The following AUTS2 variants were observed in gnomAD, a reference collection of about 807,000 sequenced individuals.
AUTS2 encodes the protein autism susceptibility gene 2 protein.
AUTS2 carries 17 observed loss-of-function variants against 112.4 expected under a neutral mutation model. The observed-to-expected ratio is 0.15, with a 90% confidence interval of 0.10 to 0.23. The LOEUF (loss-of-function observed/expected upper bound fraction) is 0.23, where lower values mean the gene tolerates loss of function less well. AUTS2 is among the 10% of genes least tolerant of loss of function. The pLI is 1.00. For synonymous variants in AUTS2, 751 were observed against 702.7 expected, an observed-to-expected ratio of 1.07 and a Z score of -1.09; for missense variants, 1,510 against 1,701.6, an observed-to-expected ratio of 0.89 and a Z score of 1.98.
chr7:69,634,408 C>T (rs1794422325), intron 1 of AUTS2, among the ~76,000 whole-genome samples: 1 of 152,172 alleles, frequency 6.6e-6, no homozygotes, highest in Admixed American at 6.5e-5. Flanking sequence ...GCGTGAGCCA[C>T]CGCGCCCGGC....
At chr7:70,498,913 G>C (rs575716266) in intron 5 of AUTS2, among the ~76,000 whole-genome samples, 1 of 152,306 alleles carries the variant, frequency 6.6e-6, no homozygotes, top group East Asian at 1.9e-4. Flanking sequence ...ACAAGAGGAG[G>C]CTCAGGGCAG....
chr7:70,243,040 A>G (rs775966112), intron 4 of AUTS2, among the ~76,000 whole-genome samples: 1 of 152,162 alleles, frequency 6.6e-6, no homozygotes, highest in Non-Finnish European at 1.5e-5. Context: ...TTTCTTGCAC[A>G]GATGGTCTCA....
intron 1 of AUTS2, among the ~76,000 whole-genome samples, chr7:69,601,580 G>A (rs574433372): frequency 7.9e-5 from 12 of 152,092 alleles, no homozygotes; most frequent in African/African-American, 2.9e-4. Flanking sequence ...GGTGGTGCAG[G>A]TGGTGGTGAT....
At chr7:70,203,337 A>G (rs1810393892) in intron 4 of AUTS2, among the ~76,000 whole-genome samples, 1 of 45,904 alleles carries the variant, frequency 2.2e-5, no homozygotes, top group Non-Finnish European at 4.0e-5. Flanking sequence ...TAAAACTTAG[A>G]GTATAATAAA....
At chr7:69,921,472 G>T (rs534491481) in intron 2 of AUTS2, among the ~76,000 whole-genome samples, 1 of 151,578 alleles carries the variant, frequency 6.6e-6, no homozygotes, top group South Asian at 2.1e-4. Context: ...ATGCTATTAA[G>T]ATTAGTAAAC....
At chr7:70,355,854 G>C (rs1791988348) in intron 4 of AUTS2, among the ~76,000 whole-genome samples, 1 of 152,170 alleles carries the variant, frequency 6.6e-6, no homozygotes, top group Non-Finnish European at 1.5e-5. Context: ...CTGGAACCAT[G>C]CTGCCTTACC....
At chr7:69,766,770 T>C (rs1788439806) in intron 1 of AUTS2, among the ~76,000 whole-genome samples, 1 of 152,164 alleles carries the variant, frequency 6.6e-6, no homozygotes, top group African/African-American at 2.4e-5. Context: ...TAACCAGTGG[T>C]GTTGAATCTT....
intron 1 of AUTS2, among the ~76,000 whole-genome samples, chr7:69,810,444 G>T (rs966968074): frequency 6.6e-6 from 1 of 151,358 alleles, no homozygotes; most frequent in African/African-American, 2.4e-5. Context: ...TTGATGTATG[G>T]AAAGCCCTTG....
At chr7:69,756,509 T>G (rs1215426958) in intron 1 of AUTS2, among the ~76,000 whole-genome samples, 1 of 152,138 alleles carries the variant, frequency 6.6e-6, no homozygotes, top group African/African-American at 2.4e-5. Flanking sequence ...AAAAGCTCTT[T>G]GTGTATTTGA....
At chr7:70,176,107 C>G (rs1489561837) in intron 4 of AUTS2, among the ~76,000 whole-genome samples, 1 of 152,066 alleles carries the variant, frequency 6.6e-6, no homozygotes, top group Non-Finnish European at 1.5e-5. Flanking sequence ...AGTGAAGAAT[C>G]CCATAGTCTG....
chr7:69,642,191 CCTT>C (rs1794826644), intron 1 of AUTS2, among the ~76,000 whole-genome samples: 1 of 152,256 alleles, frequency 6.6e-6, no homozygotes, highest in South Asian at 2.1e-4. Context: ...GTTTTTTTCT[CCTT>C]AACCCATTTT....
chr7:69,693,262 T>G (rs1300791732), intron 1 of AUTS2, among the ~76,000 whole-genome samples: 2 of 152,240 alleles, frequency 1.3e-5, no homozygotes, highest in Non-Finnish European at 2.9e-5. Flanking sequence ...CTGGTGTATT[T>G]TGGACATTCT....
chr7:70,159,783 C>A (rs1807979621), intron 4 of AUTS2, among the ~76,000 whole-genome samples: 1 of 152,102 alleles, frequency 6.6e-6, no homozygotes, highest in South Asian at 2.1e-4. Context: ...CCTGATAATA[C>A]TTTTATGTCT....
chr7:69,766,949 G>T (rs1472275475), intron 1 of AUTS2, among the ~76,000 whole-genome samples: 2 of 152,202 alleles, frequency 1.3e-5, no homozygotes, highest in East Asian at 3.9e-4. Flanking sequence ...CATTGGGGTT[G>T]CACCACTGGA....
At chr7:70,397,204 C>A (rs1321155365) in intron 4 of AUTS2, among the ~76,000 whole-genome samples, 2 of 152,042 alleles carry the variant, frequency 1.3e-5, no homozygotes. Context: ...GCTGGGATTA[C>A]AGAGGTGTGC....
intron 5 of AUTS2, among the ~76,000 whole-genome samples, chr7:70,538,135 G>A (rs1800396948): frequency 6.6e-6 from 1 of 152,148 alleles, no homozygotes; most frequent in Admixed American, 6.5e-5. Context: ...TCCTCCAGAG[G>A]CTGAGGCTGG....
chr7:70,438,194 T>C (rs1795974937), intron 5 of AUTS2, among the ~76,000 whole-genome samples: 1 of 152,144 alleles, frequency 6.6e-6, no homozygotes, highest in African/African-American at 2.4e-5. Context: ...GAGTAGTTAT[T>C]GCCTGGGTTT....
chr7:69,647,090 A>C (rs1368349804), intron 1 of AUTS2, among the ~76,000 whole-genome samples: 1 of 152,202 alleles, frequency 6.6e-6, no homozygotes, highest in African/African-American at 2.4e-5. Flanking sequence ...TCTGTCTCAA[A>C]CAAAACAAAA....
intron 2 of AUTS2, among the ~76,000 whole-genome samples, chr7:69,915,240 CA>C (rs1795528591): frequency 1.3e-5 from 2 of 152,156 alleles, no homozygotes; most frequent in African/African-American, 4.8e-5. Context: ...CTTATTGTGC[CA>C]TTTTTGTTGA....
Sources: gnomAD v4.1 joint callset for allele counts (sites outside exome capture counted in the v4.1 genomes callset) on GRCh38, gnomAD v4.1.1 for gene constraint, MANE v1.5 for transcripts, NCBI Gene and HGNC (gene_info 2026-07-23, HGNC 2026-07-21) for gene names.